COL24A1: variants seen among roughly 807,000 people sequenced by gnomAD.
COL24A1 encodes collagen type XXIV alpha 1 chain.
Under a neutral mutation model 253.9 loss-of-function variants are expected in COL24A1, and 224 were observed. That is an observed-to-expected ratio of 0.88 (90% CI 0.79 to 0.99). The LOEUF (loss-of-function observed/expected upper bound fraction) is 0.99. Among genes scored for constraint, COL24A1 ranks in the 50% least tolerant of loss-of-function variants. The pLI is 0.00. For missense variants in COL24A1, 2,131 were observed against 2,068.5 expected, an observed-to-expected ratio of 1.03 and a Z score of -0.59; for synonymous variants, 685 against 673.7, an observed-to-expected ratio of 1.02 and a Z score of -0.26.
chr1:85,979,831 T>C (rs763254534), intron 20 of COL24A1, among the ~76,000 whole-genome samples: 4 of 152,076 alleles, frequency 2.6e-5, no homozygotes, highest in African/African-American at 4.8e-5. Context: ...CCCTAAATCA[T>C]TCCATAAAGC....
intron 43 of COL24A1, among the ~76,000 whole-genome samples, chr1:85,825,975 T>C (rs313750): frequency 0.74 from 51,430 of 69,584 alleles, 19,857 homozygotes; most frequent in Non-Finnish European, 0.82. Context: ...TTGCTTTTGG[T>C]GTTTTAGACG....
intron 32 of COL24A1, among the ~76,000 whole-genome samples, chr1:85,880,434 T>C (rs1428853883): frequency 2.6e-5 from 4 of 152,196 alleles, no homozygotes; most frequent in African/African-American, 7.2e-5. Flanking sequence ...TTCTTGAAGA[T>C]TTTTTACACA....
chr1:86,153,415 T>C lies in COL24A1; in HGVS notation c.56+2926A>G, dbSNP rs185763373. Among the ~76,000 whole-genome samples the C allele has an allele frequency of 3.3e-5, 5 of 152,294 alleles. No homozygotes were observed. In the East Asian group the frequency reaches 7.7e-4, roughly 24 times the overall value. On this transcript the variant is annotated intron_variant, in intron 1 of 59. Transcript: ENST00000370571. ...GCTCAGTAAACATGTGTTGAATAAA[T>C]ACGTTAATGAATGATGAATAAATGA...
intron 4 of COL24A1, among the ~76,000 whole-genome samples, chr1:86,113,166 T>C (rs779666194): frequency 6.6e-6 from 1 of 152,360 alleles, no homozygotes; most frequent in Non-Finnish European, 1.5e-5. Flanking sequence ...ATTTTCTGAG[T>C]ACCTACTATG....
chr1:86,119,466 T>C (rs904839298), intron 3 of COL24A1, among the ~76,000 whole-genome samples: 2 of 152,104 alleles, frequency 1.3e-5, no homozygotes, highest in African/African-American at 2.4e-5. Context: ...GAACATACCT[T>C]TTTTATGTTC....
chr1:86,046,534 G>A (rs1249627520), intron 12 of COL24A1, among the ~76,000 whole-genome samples: 1 of 152,156 alleles, frequency 6.6e-6, no homozygotes. Context: ...TGTGTTTTAA[G>A]TTCTTCACGT....
rs1295851900 is a variant in COL24A1, at chr1:85,983,163, C to A, written c.2364+4438G>T. ...ACAGCCTCTTTTAGCATCCCTAATT[C>A]CATAGCCAAAGTAAAAACACAAACC... On this transcript the variant is annotated intron_variant, in intron 20 of 59. Coordinates refer to ENST00000370571, the MANE Select transcript of COL24A1 (RefSeq NM_152890.7). Among the ~76,000 whole-genome samples, 3 of 151,966 alleles carry A rather than the reference C, an allele frequency of 2.0e-5. No homozygotes were observed. In the East Asian group the frequency reaches 5.8e-4, roughly 29 times the overall value.
chr1:86,006,934 G>A (rs924795249), intron 19 of COL24A1, among the ~76,000 whole-genome samples: 2 of 152,224 alleles, frequency 1.3e-5, no homozygotes, highest in African/African-American at 4.8e-5. Flanking sequence ...AATGTGGGCT[G>A]GTTCTGGTTG....
At chr1:86,141,754 G>A (rs1651120457) in intron 2 of COL24A1, among the ~76,000 whole-genome samples, 1 of 150,554 alleles carries the variant, frequency 6.6e-6, no homozygotes, top group Non-Finnish European at 1.5e-5. Flanking sequence ...AGGCTGGAGT[G>A]CACTGGCACG....
intron 57 of COL24A1, among the ~76,000 whole-genome samples, chr1:85,742,529 CCTTA>C (rs1331793506): frequency 3.3e-5 from 5 of 151,988 alleles, no homozygotes; most frequent in South Asian, 4.1e-4. Flanking sequence ...TAATTTTTAC[CCTTA>C]CTTAGGATCT....
chr1:85,889,647 T>C, intron 31 of COL24A1, 34 bp from the exon 32 acceptor site: 5 of 1,591,574 alleles, frequency 3.1e-6, no homozygotes, highest in Non-Finnish European at 4.3e-6. Context: ...GTAGGAAAAG[T>C]GGTGTGTGAA....
chr1:86,121,240 T>A (rs894730508), intron 3 of COL24A1, among the ~76,000 whole-genome samples: 2 of 152,104 alleles, frequency 1.3e-5, no homozygotes, highest in Non-Finnish European at 2.9e-5. Context: ...TGTATACATA[T>A]GTAACAAACC....
Position 86,115,220 on chromosome 1 carries a change from C to G in COL24A1, c.1545+105G>C, listed in dbSNP as rs191816405. 7.3e-6 allele frequency: 8 copies of G among 1,088,986 alleles called. No individual in the cohort carries two copies. In the Admixed American group the frequency reaches 1.7e-4, roughly 23 times the overall value. The allele number at this position is 1,088,986 out of a possible 1,614,324, so 67.5% of individuals were successfully genotyped here. On this transcript the variant is annotated intron_variant, in intron 4 of 59. Coordinates refer to ENST00000370571, the MANE Select transcript of COL24A1 (RefSeq NM_152890.7). ...CTAAGGTAGGACTAAGTTTGAAGAT[C>G]CAGGCAGGTTTCCAAAGGAAGTACA... is the stretch of plus-strand genomic sequence containing the variant.
intron 22 of COL24A1, among the ~76,000 whole-genome samples, chr1:85,966,819 G>A (rs1296500324): frequency 6.6e-6 from 1 of 152,072 alleles, no homozygotes; most frequent in Non-Finnish European, 1.5e-5. Context: ...CAGATAGAGG[G>A]AAGAGAAAAA....
chr1:86,077,732 C>T (rs142914389), intron 7 of COL24A1, among the ~76,000 whole-genome samples: 23 of 151,872 alleles, frequency 1.5e-4, no homozygotes, highest in Non-Finnish European at 8.8e-5. Flanking sequence ...GCAAACTAAC[C>T]CAGGAACAGA....
intron 7 of COL24A1, among the ~76,000 whole-genome samples, chr1:86,082,160 T>A (rs1400080744): frequency 6.6e-6 from 1 of 152,210 alleles, no homozygotes; most frequent in South Asian, 2.1e-4. Context: ...AAAGAAATTC[T>A]GGAGACTAAA....
In COL24A1 at chr1:86,146,297, T is replaced by C. The variant is rs1651872668; in HGVS notation, c.57-114A>G. 6.2e-6 allele frequency: 5 copies of C among 808,134 alleles called. No individual in the cohort carries two copies. The East Asian group carries it at 1.3e-4, about 21-fold the overall frequency. 50.1% of individuals were successfully genotyped at this position (808,134 alleles called of 1,614,324 possible). On this transcript the variant is annotated intron_variant, in intron 1 of 59. Coordinates refer to ENST00000370571, the MANE Select transcript of COL24A1 (RefSeq NM_152890.7). ...AATTAAGCAATTATTTTAAATAGCA[T>C]GATATTTTAATATTCATAGTGGTTA...
intron 43 of COL24A1, among the ~76,000 whole-genome samples, chr1:85,836,839 G>A (rs1050802671): frequency 6.6e-6 from 1 of 152,208 alleles, no homozygotes; most frequent in Non-Finnish European, 1.5e-5. Context: ...AGATTAGACA[G>A]TGAACCTAGG....
At chr1:86,069,901 AC>A (rs1701750625) in intron 7 of COL24A1, among the ~76,000 whole-genome samples, 1 of 152,138 alleles carries the variant, frequency 6.6e-6, no homozygotes, top group Admixed American at 6.6e-5. Flanking sequence ...CAAATACCTA[AC>A]TCTTCAATGC....
Sources: allele counts gnomAD v4.1 joint callset (sites outside exome capture counted in the v4.1 genomes callset), GRCh38; gene constraint gnomAD v4.1.1; transcripts MANE v1.5; gene names NCBI Gene and HGNC (gene_info 2026-07-23, HGNC 2026-07-21).